The following MLLT3 variants were observed in gnomAD, a reference collection of about 807,000 sequenced individuals.
MLLT3 encodes protein AF-9.
MLLT3 carries 4 observed loss-of-function variants against 53.2 expected under a neutral mutation model. The observed-to-expected ratio is 0.08, with a 90% CI of 0.04 to 0.17. The LOEUF (loss-of-function observed/expected upper bound fraction) is 0.17, where lower values mean the gene tolerates loss of function less well. MLLT3 is among the 10% of genes least tolerant of loss of function. The pLI is 1.00. For missense variants in MLLT3, 569 were observed against 684.0 expected (o/e 0.83, Z 1.87); for synonymous variants, 283 against 230.6 (o/e 1.23, Z -2.06).
rs149399304 is a variant in MLLT3 at position 20,363,476 on chromosome 9, C to T, written c.1331G>A (p.Arg444Lys). 738 of 1,613,654 alleles carry T rather than the reference C, an allele frequency of 4.6e-4. 3 individuals are homozygous for T. Among genetic ancestry groups the T allele is most frequent in the Non-Finnish European group, 5.9e-4 (695 of 1,179,788 alleles). Residue 444 changes from arginine (R) to lysine (K), a missense_variant and splice_region_variant, in exon 7 of 11, where the codon AGA becomes AAA. Physicochemically the swap from Arg to Lys is conservative, Grantham distance 26. Transcript: ENST00000380338. ...PVNRGGSRSRRVSLSDGSDSE... is the reference protein window; with the variant it reads ...PVNRGGSRSRKVSLSDGSDSE... ...ACCCCTTTCCTTCCAAGATACTCAC[C>T]TGCGACTTCGGCTGCCTCCTCTATT...
At chr9:20,469,171 T>C (rs1370782743) in intron 2 of MLLT3, among the ~76,000 whole-genome samples, 1 of 152,200 alleles carries the variant, frequency 6.6e-6, no homozygotes, top group Non-Finnish European at 1.5e-5. Context: ...TTTACATGTA[T>C]AAATCAAACC....
intron 4 of MLLT3, among the ~76,000 whole-genome samples, chr9:20,422,819 G>C (rs1323764201): frequency 6.6e-6 from 1 of 152,158 alleles, no homozygotes. Flanking sequence ...AAGGTCATCT[G>C]GTAGCAATGT....
intron 2 of MLLT3, among the ~76,000 whole-genome samples, chr9:20,515,993 G>A (rs1203457369): frequency 1.3e-5 from 2 of 152,200 alleles, no homozygotes; most frequent in African/African-American, 2.4e-5. Flanking sequence ...GTTATATTGT[G>A]TGCCATGGGA....
In MLLT3 at chr9:20,363,564, T is replaced by A. The variant is rs779149697; in HGVS notation, c.1243A>T (p.Asn415Tyr). 6.2e-7 allele frequency: 1 copy of A among 1,614,026 alleles called. No individual in the cohort carries two copies. The highest frequency in any genetic ancestry group is 8.5e-7 in the Non-Finnish European group (1 of 1,179,934). Residue 415 changes from asparagine to tyrosine, a missense_variant, in exon 7 of 11, where the codon AAT (asparagine) becomes TAT (tyrosine). Coordinates refer to ENST00000380338, the MANE Select transcript of MLLT3 (RefSeq NM_004529.4). ...SIMKDLHSDD[N>Y]EEESDEVEDN... is the part of the protein sequence containing the mutation. ...TCCACTTCATCTGATTCCTCCTCATTGTCATCAGAATGCAGATCTTTCATT... is the reference window on the plus strand; with the variant it reads ...TCCACTTCATCTGATTCCTCCTCATAGTCATCAGAATGCAGATCTTTCATT...
chr9:20,591,169 T>G (rs7046522), intron 2 of MLLT3, among the ~76,000 whole-genome samples: 57,598 of 152,014 alleles, frequency 0.38, 11,035 homozygotes, highest in East Asian at 0.5. Context: ...TTGAATCTAG[T>G]TTTATTGTTC....
At chr9:20,445,143 C>T (rs897632691) in intron 4 of MLLT3, among the ~76,000 whole-genome samples, 2 of 152,034 alleles carry the variant, frequency 1.3e-5, no homozygotes, top group Non-Finnish European at 2.9e-5. Context: ...TCCACAATTT[C>T]CCCAGCAAGC....
chr9:20,406,771 C>T (rs796255854), intron 5 of MLLT3, among the ~76,000 whole-genome samples: 1 of 152,194 alleles, frequency 6.6e-6, no homozygotes, highest in Non-Finnish European at 1.5e-5. Flanking sequence ...CATCCCTAAC[C>T]TCTATATTTT....
intron 5 of MLLT3, among the ~76,000 whole-genome samples, chr9:20,396,663 A>C (rs1183668143): frequency 6.6e-6 from 1 of 152,142 alleles, no homozygotes. Flanking sequence ...GGAGCACACA[A>C]GTTCAGAAGG....
chr9:20,392,009 C>T (rs941732104), intron 5 of MLLT3, among the ~76,000 whole-genome samples: 1 of 152,060 alleles, frequency 6.6e-6, no homozygotes, highest in Non-Finnish European at 1.5e-5. Flanking sequence ...TTCTAAGGAG[C>T]GTCGTATCAC....
In MLLT3 at chr9:20,346,378, C is replaced by CAA; in HGVS notation, c.*64_*65insTT. On this transcript the variant is annotated 3_prime_UTR_variant, in exon 11 of 11. Coordinates refer to ENST00000380338, the MANE Select transcript of MLLT3 (RefSeq NM_004529.4). Reference sequence around the variant, plus strand: ...AAACAACAAGAACAAAAAATCACAACCAAAAAAAAAAAAAACCAAAAAAAA... The same window carrying CAA: ...AAACAACAAGAACAAAAAATCACAACAACAAAAAAAAAAAAAACCAAAAAAAA... 8.1e-7 allele frequency: 1 copy of CAA among 1,233,812 alleles called. No homozygotes were observed. Among genetic ancestry groups the CAA allele is most frequent in the Non-Finnish European group, 1.1e-6 (1 of 925,064 alleles). 76.4% of individuals were successfully genotyped at this position (1,233,812 alleles called of 1,614,324 possible).
intron 5 of MLLT3, among the ~76,000 whole-genome samples, chr9:20,381,474 C>G (rs1156852341): frequency 1.3e-5 from 2 of 151,868 alleles, no homozygotes; most frequent in African/African-American, 4.8e-5. Flanking sequence ...TAACTCTGAA[C>G]AAATGCTGTG....
chr9:20,399,024 A>C (rs183034931), intron 5 of MLLT3, among the ~76,000 whole-genome samples: 7 of 152,290 alleles, frequency 4.6e-5, no homozygotes, highest in African/African-American at 1.7e-4. Context: ...GGTAAGAGTG[A>C]AATCCAATTT....
At chr9:20,491,373 T>C (rs984174571) in intron 2 of MLLT3, among the ~76,000 whole-genome samples, 2 of 152,104 alleles carry the variant, frequency 1.3e-5, no homozygotes, top group Non-Finnish European at 2.9e-5. Flanking sequence ...AGGAACTATA[T>C]ACAGTACCAC....
At chr9:20,490,579 C>G (rs1824922865) in intron 2 of MLLT3, among the ~76,000 whole-genome samples, 1 of 152,188 alleles carries the variant, frequency 6.6e-6, no homozygotes. Flanking sequence ...CTTCCCAGAG[C>G]CCAGCTGGCA....
chr9:20,535,469 G>A (rs1818457166), intron 2 of MLLT3, among the ~76,000 whole-genome samples: 1 of 152,008 alleles, frequency 6.6e-6, no homozygotes, highest in Non-Finnish European at 1.5e-5. Flanking sequence ...GTGCCAAAGA[G>A]GCCACAGCCA....
chr9:20,472,908 C>CA (rs11436085), intron 2 of MLLT3, among the ~76,000 whole-genome samples: 32,660 of 136,742 alleles, frequency 0.24, 3,588 homozygotes, highest in South Asian at 0.29. Context: ...ACTATGCTAA[C>CA]AAAAAAAAAA....
intron 2 of MLLT3, among the ~76,000 whole-genome samples, chr9:20,495,130 C>G (rs1192854996): frequency 6.6e-6 from 1 of 152,150 alleles, no homozygotes; most frequent in Non-Finnish European, 1.5e-5. Flanking sequence ...AAGAGAAGAA[C>G]TAGGCCTATA....
intron 3 of MLLT3, among the ~76,000 whole-genome samples, chr9:20,451,448 C>T (rs1214648218): frequency 2.6e-5 from 4 of 151,970 alleles, no homozygotes; most frequent in Non-Finnish European, 5.9e-5. Flanking sequence ...TAAAACAGAA[C>T]AAAAAACATC....
rs564843974 is a variant in MLLT3 at position 20,608,315 on chromosome 9, T to G, written c.193+12339A>C. Among the ~76,000 whole-genome samples, 77 of 152,002 alleles carry G rather than the reference T, an allele frequency of 5.1e-4. No homozygotes were observed. In the South Asian group the frequency reaches 0.016, roughly 31 times the overall value. On this transcript the variant is annotated intron_variant, in intron 2 of 10. Coordinates refer to ENST00000380338, the MANE Select transcript of MLLT3 (RefSeq NM_004529.4). ...CAGATGTAGGCTCTAGAAAAATTTTTAACACTACACAGCAAGATAGACATG... is the reference window on the plus strand; with the variant it reads ...CAGATGTAGGCTCTAGAAAAATTTTGAACACTACACAGCAAGATAGACATG...
Sources: allele counts gnomAD v4.1 joint callset (sites outside exome capture counted in the v4.1 genomes callset), GRCh38; gene constraint gnomAD v4.1.1; transcripts MANE v1.5; gene names NCBI Gene and HGNC (gene_info 2026-07-23, HGNC 2026-07-21).